ITGB7: variants seen among roughly 807,000 people sequenced by gnomAD.
The protein encoded by ITGB7 is integrin beta-7.
Under a neutral mutation model 83.4 loss-of-function variants are expected in ITGB7, and 55 were observed. The ratio of observed to expected loss-of-function variants is 0.66; its 90% confidence interval spans 0.53 to 0.83. ITGB7 has a LOEUF of 0.83. Among genes scored for constraint, ITGB7 ranks in the 40% least tolerant of loss-of-function variants. The pLI is 0.00. For synonymous variants in ITGB7, 454 were observed against 423.6 expected (o/e 1.07, Z -0.88); for missense variants, 921 against 1,046.7 (o/e 0.88, Z 1.66).
At chr12:53,197,426 T>G in intron 5 of ITGB7, 67 bp downstream of exon 5, 2 of 1,578,022 alleles carry the variant, frequency 1.3e-6, no homozygotes, top group Non-Finnish European at 1.7e-6. Context: ...TCCAGGATGT[T>G]GGCAGAGGCT....
At chr12:53,194,994 A>G (rs1942108560) in intron 9 of ITGB7, 1 of 220,288 alleles carries the variant, frequency 4.5e-6, no homozygotes, top group African/African-American at 2.3e-5. Flanking sequence ...CAAGTCACTT[A>G]GCCTCCTTGT....
intron 11 of ITGB7, 134 bp from the exon 12 acceptor site, chr12:53,193,497 T>C (rs899102631): frequency 9.1e-6 from 7 of 768,212 alleles, no homozygotes; most frequent in African/African-American, 8.8e-5. Context: ...ATGTTAAGTA[T>C]AGTGAAACAC....
chr12:53,204,815 T>C (rs1942395486), intron 1 of ITGB7, among the ~76,000 whole-genome samples: 1 of 151,794 alleles, frequency 6.6e-6, no homozygotes, highest in South Asian at 2.1e-4. Flanking sequence ...CTACTATCTT[T>C]GTTTCTTTTT....
chr12:53,196,734 C>G lies in ITGB7; in HGVS notation c.661G>C (p.Glu221Gln). ...KLRHPCPTRL[E>Q]RCQSPFSFHH... Reference sequence around the variant, plus strand: ...AAGCTGAATGGTGACTGGCAGCGCTCCAGCCGGGTGGGGCAGGGGTGGCGC... The same window carrying G: ...AAGCTGAATGGTGACTGGCAGCGCTGCAGCCGGGTGGGGCAGGGGTGGCGC... The change falls in exon 6 of 16, where the codon GAG (glutamate) becomes CAG (glutamine). Residue 221 changes from glutamate (E) to glutamine (Q), a missense_variant. Physicochemically the swap from Glu to Gln is conservative, Grantham distance 29. Coordinates refer to ENST00000267082, the MANE Select transcript of ITGB7 (RefSeq NM_000889.3). 1 of 1,613,582 alleles carries G rather than the reference C, an allele frequency of 6.2e-7. No individual in the cohort carries two copies. The highest frequency in any genetic ancestry group is 8.5e-7 in the Non-Finnish European group (1 of 1,179,736).
At chr12:53,195,862 T>G (rs1592402549) in intron 7 of ITGB7, 141 bp from the exon 8 acceptor site, 1 of 958,422 alleles carries the variant, frequency 1.0e-6, no homozygotes, top group Non-Finnish European at 1.6e-6. Context: ...AGGAAGGAGG[T>G]AGGGAATGGG....
chr12:53,196,638 C>T lies in ITGB7; in HGVS notation c.757G>A (p.Gly253Ser), dbSNP rs148126803. The T allele has an allele frequency of 2.5e-5, 41 of 1,612,974 alleles. No individual in the cohort carries two copies. Among genetic ancestry groups the T allele is most frequent in the Non-Finnish European group, 3.4e-5 (40 of 1,179,460 alleles). ...CCACCTTCAGGCGAGTCCAGATTGC[C>T]GGACACACTCTGGCGCCCCACCTCC... Reference protein sequence around the residue: ...EREVGRQSVSGNLDSPEGGFD... With the variant: ...EREVGRQSVSSNLDSPEGGFD... Residue 253 changes from glycine to serine, a missense_variant, in exon 6 of 16, where the codon GGC becomes AGC. By Grantham distance (56) the Gly-to-Ser change is moderately conservative. Transcript: ENST00000267082.
intron 5 of ITGB7, chr12:53,197,135 C>T: frequency 3.7e-6 from 2 of 545,872 alleles, no homozygotes; most frequent in Non-Finnish European, 6.6e-6. Flanking sequence ...AGAGTTGGCA[C>T]AGAATGTGGA....
chr12:53,193,644 A>G, intron 11 of ITGB7, 64 bp downstream of exon 11: 1 of 1,388,226 alleles, frequency 7.2e-7, no homozygotes, highest in South Asian at 1.4e-5. Context: ...GCAGCGGAGG[A>G]ATACGGGCCA....
rs1413332377 is a variant in ITGB7, at chr12:53,200,297, G to T, written c.147C>A (p.Pro49=). ...GTGAGAGGATGCACTTCTGGCAGGA[G>T]GGGGCTGGCTGGCAGGACCCCAGCA... is the stretch of plus-strand genomic sequence containing the variant. ...LSMLGSCQPA[P]SCQKCILSHP... is the part of the protein sequence containing the mutation. The change falls in exon 3 of 16, where the codon CCC becomes CCA. Residue 49 remains proline, a synonymous_variant. Transcript: ENST00000267082. 1 of 1,614,194 alleles carries T rather than the reference G, an allele frequency of 6.2e-7. No individual in the cohort carries two copies. The highest frequency in any genetic ancestry group is 8.5e-7 in the Non-Finnish European group (1 of 1,180,048).
At position 53,194,072 on chromosome 12, in the gene ITGB7, T is replaced by C; in HGVS notation, c.1308+126A>G. ...GCCACTCAGACTGCTCCAGGAAGGA[T>C]GGATGGAGGACTACCTCAGGCTCTC... On this transcript the variant is annotated intron_variant, in intron 10 of 15. Transcript: ENST00000267082. 4.2e-6 allele frequency: 6 copies of C among 1,429,300 alleles called. No homozygotes were observed. In the South Asian group the frequency reaches 7.6e-5, roughly 18 times the overall value. 88.5% of individuals were successfully genotyped at this position (1,429,300 alleles called of 1,614,324 possible).
Position 53,193,797 on chromosome 12 carries a change from G to C in ITGB7, c.1413C>G (p.His471Gln), listed in dbSNP as rs1341677539. Residue 471 changes from histidine to glutamine, a missense_variant, in exon 11 of 16, where the codon CAC (histidine) becomes CAG (glutamine). Coordinates refer to ENST00000267082, the MANE Select transcript of ITGB7 (RefSeq NM_000889.3). The stretch of plus-strand genomic sequence containing the variant: ...CACTGCAATTACAGTCACACAGCGT[G>C]TGCAACTCCACAATCAGCTCCTCTG... ...GFSEELIVEL[H>Q]TLCDCNCSDT... 1 of 1,614,124 alleles carries C rather than the reference G, an allele frequency of 6.2e-7. No individual in the cohort carries two copies. Among genetic ancestry groups the C allele is most frequent in the Non-Finnish European group, 8.5e-7 (1 of 1,180,006 alleles).
In ITGB7 at chr12:53,196,781, A is replaced by G. The variant is rs1942177042; in HGVS notation, c.614T>C (p.Val205Ala). Residue 205 changes from valine to alanine, a missense_variant, in exon 6 of 16, where the codon GTG (valine) becomes GCG (alanine). Val to Ala is a moderately conservative substitution (Grantham distance 64). Coordinates refer to ENST00000267082, the MANE Select transcript of ITGB7 (RefSeq NM_000889.3). ...SFVDKTVLPF[V>A]STVPSKLRHP... The stretch of plus-strand genomic sequence containing the variant: ...GCGCAGTTTGGAGGGTACTGTGCTC[A>G]CAAAGGGCAGCACCGTTTTGTCCAC... 1 of 1,610,242 alleles carries G rather than the reference A, an allele frequency of 6.2e-7. No homozygotes were observed. The highest frequency in any genetic ancestry group is 2.2e-5 in the East Asian group (1 of 44,714).
Position 53,197,776 on chromosome 12 carries a change from T to C in ITGB7, c.377A>G (p.Gln126Arg). ...RGEGATQLAP[Q>R]RVRVTLRPGE... ...AGGCCGCAGCGTGACCCGGACCCGC[T>C]GCGGCGCCAGCTGGGTGGCACCCTC... Residue 126 changes from glutamine (Q) to arginine (R), a missense_variant, in exon 4 of 16, where the codon CAG becomes CGG. Gln to Arg is a conservative substitution (Grantham distance 43, BLOSUM62 1). Transcript: ENST00000267082. The C allele has an allele frequency of 6.4e-7, 1 of 1,563,592 alleles. No individual in the cohort carries two copies. The highest frequency in any genetic ancestry group is 2.4e-5 in the East Asian group (1 of 41,774).
intron 1 of ITGB7, among the ~76,000 whole-genome samples, chr12:53,203,680 GA>G (rs1469525716): frequency 2.3e-5 from 3 of 128,604 alleles, no homozygotes; most frequent in South Asian, 2.6e-4. Flanking sequence ...AAGAAAGAAA[GA>G]AAAGAAAAGA....
intron 12 of ITGB7, 68 bp downstream of exon 12, chr12:53,193,072 A>T: frequency 6.9e-7 from 1 of 1,458,224 alleles, no homozygotes. Context: ...ATGCCAGGAG[A>T]TTCCCAGAGC....
At chr12:53,202,586 C>T (rs1942346136) in intron 1 of ITGB7, among the ~76,000 whole-genome samples, 1 of 151,706 alleles carries the variant, frequency 6.6e-6, no homozygotes, top group South Asian at 2.1e-4. Flanking sequence ...AACTCCTGAC[C>T]TCAAGTGATC....
chr12:53,192,925 T>C lies in ITGB7; in HGVS notation c.1727-15A>G, dbSNP rs371036832. Reference sequence around the variant, plus strand: ...GCGACCAAAGCCTGGGGTAGAGCCATGCAGAGGGTGACAACCATACTCCAC... The same window carrying C: ...GCGACCAAAGCCTGGGGTAGAGCCACGCAGAGGGTGACAACCATACTCCAC... On this transcript the variant is annotated splice_polypyrimidine_tract_variant and intron_variant, in intron 12 of 15. Coordinates refer to ENST00000267082, the MANE Select transcript of ITGB7 (RefSeq NM_000889.3). The C allele has an allele frequency of 2.5e-6, 4 of 1,611,192 alleles. No individual in the cohort carries two copies. Among genetic ancestry groups the C allele is most frequent in the Non-Finnish European group, 3.4e-6 (4 of 1,177,772 alleles).
chr12:53,201,961 C>G (rs779310772), intron 1 of ITGB7, among the ~76,000 whole-genome samples: 3 of 152,202 alleles, frequency 2.0e-5, no homozygotes, highest in Non-Finnish European at 4.4e-5. Context: ...TATTATACAT[C>G]AGTGGAATAG....
chr12:53,199,778 C>A (rs1350405820), intron 3 of ITGB7, among the ~76,000 whole-genome samples: 2 of 152,012 alleles, frequency 1.3e-5, no homozygotes, highest in Admixed American at 1.3e-4. Context: ...AATCAGCCAG[C>A]ACTTTGATCT....
Sources: allele counts gnomAD v4.1 joint callset (sites outside exome capture counted in the v4.1 genomes callset), GRCh38; gene constraint gnomAD v4.1.1; transcripts MANE v1.5; gene names NCBI Gene and HGNC (gene_info 2026-07-23, HGNC 2026-07-21).